The following PJVK variants were observed in gnomAD, a reference collection of about 807,000 sequenced individuals.
PJVK encodes autosomal recessive deafness type 59 protein.
Under a neutral mutation model 37.6 loss-of-function variants are expected in PJVK, and 33 were observed. The observed-to-expected ratio is 0.88, with a 90% CI of 0.67 to 1.17. The LOEUF (loss-of-function observed/expected upper bound fraction) is 1.17, where lower values mean the gene tolerates loss of function less well. Ranked by LOEUF, PJVK falls within the 50% of genes most tolerant of loss-of-function variation. The pLI is 0.00. For missense variants in PJVK, 410 were observed against 413.8 expected (o/e 0.99, Z 0.08); for synonymous variants, 141 against 143.5 (o/e 0.98, Z 0.13).
chr2:178,452,362 G>A lies in PJVK; in HGVS notation c.-23+593G>A. On this transcript the variant is annotated intron_variant, in intron 1 of 6. Transcript: ENST00000644580. The stretch of plus-strand genomic sequence containing the variant: ...TGTAAGCCCTGGATGCTTGAAACAA[G>A]TGAAAGATGTTCAGAATCTAATCAA... The A allele has an allele frequency of 7.1e-6, 7 of 982,700 alleles. No individual in the cohort carries two copies. The South Asian group carries it at 1.9e-4, about 27-fold the overall frequency. 60.9% of individuals were successfully genotyped at this position (982,700 alleles called of 1,614,324 possible).
At position 178,461,128 on chromosome 2, in the gene PJVK, C is replaced by A; in HGVS notation, c.913C>A (p.Pro305Thr). 1 of 1,614,122 alleles carries A rather than the reference C, an allele frequency of 6.2e-7. No homozygotes were observed. Among genetic ancestry groups the A allele is most frequent in the Non-Finnish European group, 8.5e-7 (1 of 1,180,030 alleles). Residue 305 changes from proline (P) to threonine (T), a missense_variant, in exon 7 of 7, where the codon CCC becomes ACC. Transcript: ENST00000644580. ...AGTTAACTTACTTAATCACAACATT[C>A]CCAAAGGGCCTTGCATACTCTGTGG... is the stretch of plus-strand genomic sequence containing the variant. ...IRVNLLNHNIPKGPCILCGMG... is the reference protein window; with the variant it reads ...IRVNLLNHNITKGPCILCGMG...
Position 178,458,553 on chromosome 2 carries a change from C to A in PJVK, c.593C>A (p.Ala198Asp), listed in dbSNP as rs185593832. Residue 198 changes from alanine (A) to aspartate (D), a missense_variant, in exon 5 of 7, where the codon GCT becomes GAT. Transcript: ENST00000644580. ...DEQNPKGRDK[A>D]IVFPAHTTIA... ...CAGAATCCCAAGGGAAGGGACAAAG[C>A]TATTGTTTTCCCAGCACATACAACC... is the stretch of plus-strand genomic sequence containing the variant. 9 of 1,614,016 alleles carry A rather than the reference C, an allele frequency of 5.6e-6. No individual in the cohort carries two copies. In the East Asian group the frequency reaches 2.0e-4, roughly 36 times the overall value.
intron 3 of PJVK, 121 bp downstream of exon 3, chr2:178,454,648 A>G (rs1041056236): frequency 4.1e-5 from 58 of 1,420,498 alleles, no homozygotes; most frequent in Non-Finnish European, 5.2e-5. Context: ...TTTGCTAGAT[A>G]TGTTTGAAAT....
chr2:178,457,230 C>G (rs1684170183), intron 4 of PJVK, among the ~76,000 whole-genome samples: 1 of 152,120 alleles, frequency 6.6e-6, no homozygotes, highest in East Asian at 1.9e-4. Context: ...CCGCGCCTGG[C>G]CTGAATTTAT....
In PJVK at chr2:178,451,745, C is replaced by G. The variant is rs1389751206; in HGVS notation, c.-47C>G. On this transcript the variant is annotated 5_prime_UTR_variant, in exon 1 of 7. Coordinates refer to ENST00000644580, the MANE Select transcript of PJVK (RefSeq NM_001042702.5). ...CGGGCGGGCTCCTTTGTCTTCTGGG[C>G]TTTCGTCGCGAGATGGAACGCTGGG... 2 of 985,038 alleles carry G rather than the reference C, an allele frequency of 2.0e-6. No homozygotes were observed. Among genetic ancestry groups the G allele is most frequent in the Non-Finnish European group, 2.4e-6 (2 of 829,580 alleles). 61.0% of individuals were successfully genotyped at this position (985,038 alleles called of 1,614,324 possible).
Position 178,461,461 on chromosome 2 carries a change from T to C in PJVK, c.*187T>C, listed in dbSNP as rs1014733394. The C allele has an allele frequency of 1.5e-5, 9 of 598,662 alleles. No homozygotes were observed. The East Asian group carries it at 1.7e-4, about 12-fold the overall frequency. 37.1% of individuals were successfully genotyped at this position (598,662 alleles called of 1,614,324 possible). A position where few individuals can be genotyped will look rare whatever the true frequency, so the allele number is the denominator to read the frequency against. On this transcript the variant is annotated 3_prime_UTR_variant, in exon 7 of 7. Coordinates refer to ENST00000644580, the MANE Select transcript of PJVK (RefSeq NM_001042702.5). ...ATAACAGTAGTGTCTATTTCTTAAG[T>C]TGTCATGAAAATTAATAACATTGTT...
At chr2:178,455,105 G>T in intron 3 of PJVK, 1 of 1,593,804 alleles carries the variant, frequency 6.3e-7, no homozygotes, top group Non-Finnish European at 8.6e-7. Flanking sequence ...GCTCTACAAC[G>T]AAGTGAAGGC....
Position 178,451,691 on chromosome 2 carries a change from G to A in PJVK, c.-101G>A. The A allele has an allele frequency of 1.3e-6, 1 of 779,810 alleles. No individual in the cohort carries two copies. The highest frequency in any genetic ancestry group is 1.6e-6 in the Non-Finnish European group (1 of 642,398). The allele number at this position is 779,810 out of a possible 1,614,324, so 48.3% of individuals were successfully genotyped here. A position where few individuals can be genotyped will look rare whatever the true frequency, so the allele number is the denominator to read the frequency against. On this transcript the variant is annotated 5_prime_UTR_variant, in exon 1 of 7. Transcript: ENST00000644580. ...GAGCCCTGTGTTTAGGAACACGCGG[G>A]GACGTCCAAACACCCGCTCCTCTCC...
chr2:178,451,765 G>A lies in PJVK; in HGVS notation c.-27G>A, dbSNP rs1285544484. ...CTGGGCTTTCGTCGCGAGATGGAAC[G>A]CTGGGTCAGTGCATCCCAGCAAAAC... On this transcript the variant is annotated 5_prime_UTR_variant, in exon 1 of 7. Coordinates refer to ENST00000644580, the MANE Select transcript of PJVK (RefSeq NM_001042702.5). The A allele has an allele frequency of 5.1e-6, 5 of 985,452 alleles. No individual in the cohort carries two copies. The highest frequency in any genetic ancestry group is 6.0e-6 in the Non-Finnish European group (5 of 829,946). 61.0% of individuals were successfully genotyped at this position (985,452 alleles called of 1,614,324 possible).
At chr2:178,454,803 G>T in intron 3 of PJVK, 1 of 1,495,196 alleles carries the variant, frequency 6.7e-7, no homozygotes, top group Admixed American at 1.7e-5. Flanking sequence ...GAAATAGGAT[G>T]CAGAGAATCA....
intron 4 of PJVK, among the ~76,000 whole-genome samples, chr2:178,456,448 GTTGAA>G (rs1389336842): frequency 6.6e-6 from 1 of 151,756 alleles, no homozygotes. Flanking sequence ...AATTGAGTGA[GTTGAA>G]TTGATTTTAT....
chr2:178,455,551 A>C, intron 3 of PJVK: 1 of 723,770 alleles, frequency 1.4e-6, no homozygotes, highest in South Asian at 1.4e-5. Context: ...GCCCAGGCAC[A>C]CAGGTCCCAG....
intron 1 of PJVK, 101 bp downstream of exon 1, chr2:178,451,870 G>A (rs966885150): frequency 2.0e-6 from 2 of 985,098 alleles, no homozygotes; most frequent in African/African-American, 3.5e-5. Context: ...CAGCACCTTT[G>A]GTGGGCCATT....
intron 1 of PJVK, 141 bp from the exon 2 acceptor site, chr2:178,453,247 G>A: frequency 1.5e-6 from 1 of 682,320 alleles, no homozygotes; most frequent in South Asian, 1.8e-5. Flanking sequence ...ATGAGCAGAG[G>A]CAGGGAATTA....
At position 178,454,471 on chromosome 2, in the gene PJVK, T is replaced by G; in HGVS notation, c.351T>G (p.Gly117=). The change falls in exon 3 of 7, where the codon GGT becomes GGG. Residue 117 remains glycine, a synonymous_variant. Coordinates refer to ENST00000644580, the MANE Select transcript of PJVK (RefSeq NM_001042702.5). ...CCATTGCAGTGAAAGCTTCATTTGG[T>G]ATAGTAACCAAACATGAAGTGGAAG... The part of the protein sequence containing the change: ...SDSIAVKASF[G]IVTKHEVEVS... The G allele has an allele frequency of 6.2e-7, 1 of 1,613,948 alleles. No individual in the cohort carries two copies. Among genetic ancestry groups the G allele is most frequent in the Non-Finnish European group, 8.5e-7 (1 of 1,179,958 alleles).
chr2:178,457,474 G>A (rs1227613222), intron 4 of PJVK, among the ~76,000 whole-genome samples: 2 of 152,174 alleles, frequency 1.3e-5, no homozygotes, highest in East Asian at 3.9e-4. Flanking sequence ...GAATTAGCTG[G>A]TTGTGGTGGC....
intron 1 of PJVK, chr2:178,452,517 T>A (rs1697750227): frequency 1.0e-6 from 1 of 985,200 alleles, no homozygotes. Context: ...AGTCAGTATT[T>A]CACAATATAT....
intron 3 of PJVK, chr2:178,455,410 CAAGGCT>C (rs1334683615): frequency 1.4e-6 from 2 of 1,392,274 alleles, no homozygotes; most frequent in African/African-American, 2.8e-5. Context: ...TGGATTTTTC[CAAGGCT>C]AAATTCAACT....
At position 178,461,816 on chromosome 2, in the gene PJVK, C is replaced by A. The variant is rs1014036478; in HGVS notation, c.*542C>A. On this transcript the variant is annotated 3_prime_UTR_variant, in exon 7 of 7. Transcript: ENST00000644580. ...GCCAGGCTGATCTTGAACTCCTGAC[C>A]TTGTGATCCACTTTCCTCGGCCTCC... is the stretch of plus-strand genomic sequence containing the variant. Among the ~76,000 whole-genome samples the A allele has an allele frequency of 6.6e-6, 1 of 152,138 alleles. No individual in the cohort carries two copies. Among genetic ancestry groups the A allele is most frequent in the Admixed American group, 6.5e-5 (1 of 15,280 alleles).
Sources: allele counts gnomAD v4.1 joint callset (sites outside exome capture counted in the v4.1 genomes callset), GRCh38; gene constraint gnomAD v4.1.1; transcripts MANE v1.5; gene names NCBI Gene and HGNC (gene_info 2026-07-23, HGNC 2026-07-21).